The following ZNF648 variants were observed in gnomAD, a reference collection of about 807,000 sequenced individuals.
The protein encoded by ZNF648 is zinc finger protein 648.
Under a neutral mutation model 0.3 loss-of-function variants are expected in ZNF648, and 1 was observed. The ratio of observed to expected loss-of-function variants is 3.90; its 90% confidence interval spans 1.39 to 18.51. ZNF648 has a LOEUF of 18.51. ZNF648 is among the 30% of genes most tolerant of loss of function. The pLI, the probability that ZNF648 is intolerant of heterozygous loss-of-function variation, is 0.11. For synonymous variants in ZNF648, 376 were observed against 326.8 expected (o/e 1.15, Z -1.62); for missense variants, 874 against 769.7 (o/e 1.14, Z -1.60).
chr1:182,056,375 G>A lies in ZNF648; in HGVS notation c.1636C>T (p.His546Tyr), dbSNP rs765358166. The A allele has an allele frequency of 9.3e-6, 15 of 1,614,074 alleles. 1 individual carries two copies. The East Asian group carries it at 2.9e-4, about 31-fold the overall frequency. ...TGCTTGGCTCGGTGTCGTTGGAGGT[G>A]ATTGGACCTGGTGAAGGCCTGGCCG... ...DCGQAFTRSNHLQRHRAKHGT... is the reference protein window; with the variant it reads ...DCGQAFTRSNYLQRHRAKHGT... The change falls in exon 2 of 2, where the codon CAC becomes TAC. Residue 546 changes from histidine (H) to tyrosine (Y), a missense_variant. His to Tyr is a moderately conservative substitution (Grantham distance 83). Transcript: ENST00000339948.
chr1:182,057,026 G>A lies in ZNF648; in HGVS notation c.985C>T (p.His329Tyr). ...SSDHRKHIRTHTGEKPYPCPD... is the reference protein window; with the variant it reads ...SSDHRKHIRTYTGEKPYPCPD... ...CACGGGTAGGGTTTCTCGCCTGTGT[G>A]GGTGCGGATGTGCTTCCGGTGGTCG... Residue 329 changes from histidine (H) to tyrosine (Y), a missense_variant, in exon 2 of 2, where the codon CAC (histidine) becomes TAC (tyrosine). Physicochemically the swap from His to Tyr is moderately conservative, Grantham distance 83 (BLOSUM62 2). Coordinates refer to ENST00000339948, the MANE Select transcript of ZNF648 (RefSeq NM_001009992.1). 6.2e-7 allele frequency: 1 copy of A among 1,613,600 alleles called. No individual in the cohort carries two copies. Among genetic ancestry groups the A allele is most frequent in the Non-Finnish European group, 8.5e-7 (1 of 1,179,942 alleles).
rs1665879401 is a variant in ZNF648, at chr1:182,054,651, G to C, written c.*1653C>G. The stretch of plus-strand genomic sequence containing the variant: ...CTTCATAGTCACAAGCTCATCTTGT[G>C]ACTTTTCTACCAATTTAAAGCTCTT... On this transcript the variant is annotated 3_prime_UTR_variant, in exon 2 of 2. Coordinates refer to ENST00000339948, the MANE Select transcript of ZNF648 (RefSeq NM_001009992.1). 6.6e-6 allele frequency: 1 copy of C among 152,174 alleles called. No individual in the cohort carries two copies. Among genetic ancestry groups the C allele is most frequent in the Admixed American group, 6.5e-5 (1 of 15,276 alleles). 9.4% of individuals were successfully genotyped at this position (152,174 alleles called of 1,614,324 possible). A position where few individuals can be genotyped will look rare whatever the true frequency, so the allele number is the denominator to read the frequency against.
At chr1:182,064,452 A>T (rs1666070898), upstream of ZNF648, 1 of 152,224 alleles carries the variant, frequency 6.6e-6, no homozygotes, top group South Asian at 2.1e-4. Flanking sequence ...CCAGAAAAGC[A>T]GGTTTCAATG....
intron 1 of ZNF648, among the ~76,000 whole-genome samples, chr1:182,059,373 C>T (rs542689723): frequency 8.5e-5 from 13 of 152,194 alleles, no homozygotes; most frequent in Non-Finnish European, 1.9e-4. Flanking sequence ...GATTGGTTAA[C>T]AAGGATTGGA....
chr1:182,058,706 G>T (rs552485105), intron 1 of ZNF648, among the ~76,000 whole-genome samples: 1 of 152,312 alleles, frequency 6.6e-6, no homozygotes, highest in South Asian at 2.1e-4. Flanking sequence ...ACTCCTAACT[G>T]CCAGGAAGGC....
chr1:182,058,183 G>A (rs2101920614), intron 1 of ZNF648, 110 bp from the exon 2 acceptor site: 1 of 748,076 alleles, frequency 1.3e-6, no homozygotes, highest in Non-Finnish European at 2.1e-6. Flanking sequence ...TGGTCTCCAT[G>A]TCAGGCATAT....
chr1:182,069,378 CAT>C, the ZNF648 span: 1 of 152,262 alleles, frequency 6.6e-6, no homozygotes, highest in Non-Finnish European at 1.5e-5. Context: ...TCCATAAAAA[CAT>C]ACTCCCTTTT....
Position 182,057,379 on chromosome 1 carries a change from TG to T in ZNF648, c.631del (p.Gln211ArgfsTer56). On this transcript the variant is annotated frameshift_variant, in exon 2 of 2. Transcript: ENST00000339948. LOFTEE classifies it low-confidence loss of function (END_TRUNC). ...LPTQETHTPA[Q>X]ASATPASLAA... is the part of the protein sequence containing the mutation. ...CAGGCTGGCTGGGGTGGCCGACGCC[TG>T]GGCTGGTGTATGTGTCTCTTGCGTG... The T allele has an allele frequency of 6.2e-7, 1 of 1,613,120 alleles. No homozygotes were observed. The highest frequency in any genetic ancestry group is 1.1e-5 in the South Asian group (1 of 91,066).
In ZNF648 at chr1:182,056,479, C is replaced by G; in HGVS notation, c.1532G>C (p.Arg511Thr). 6.2e-7 allele frequency: 1 copy of G among 1,613,962 alleles called. No individual in the cohort carries two copies. The highest frequency in any genetic ancestry group is 8.5e-7 in the Non-Finnish European group (1 of 1,179,928). The change falls in exon 2 of 2, where the codon AGG becomes ACG. Residue 511 changes from arginine to threonine, a missense_variant. Transcript: ENST00000339948. The stretch of plus-strand genomic sequence containing the variant: ...CAACTCAGAGGCAATGCGGAAGGCC[C>G]TGCCGCACTCGGCACAGAGGAATCC... ...EKGFLCAECG[R>T]AFRIASELAQ...
rs781673275 is a variant in ZNF648 at position 182,057,645 on chromosome 1, A to T, written c.366T>A (p.Ala122=). ...ETQGSPGASR[A]LGSLPSGLAH... is the part of the protein sequence containing the mutation. The stretch of plus-strand genomic sequence containing the variant: ...CGAGACCACTGGGAAGGGAACCCAG[A>T]GCTCTGCTTGCTCCCGGGGAACCCT... The change falls in exon 2 of 2, where the codon GCT becomes GCA. Residue 122 remains alanine, a synonymous_variant. Transcript: ENST00000339948. The T allele has an allele frequency of 4.3e-6, 7 of 1,614,090 alleles. No individual in the cohort carries two copies.
intron 1 of ZNF648, among the ~76,000 whole-genome samples, chr1:182,059,179 T>C (rs1477365435): frequency 6.6e-6 from 1 of 152,196 alleles, no homozygotes; most frequent in Admixed American, 6.5e-5. Context: ...ATGTTTAATC[T>C]TCCCCCAAGT....
rs1489674003 is a variant in ZNF648, at chr1:182,055,572, T to A, written c.*732A>T. 1 of 152,228 alleles carries A rather than the reference T, an allele frequency of 6.6e-6. No homozygotes were observed. Among genetic ancestry groups the A allele is most frequent in the African/African-American group, 2.4e-5 (1 of 41,450 alleles). 9.4% of individuals were successfully genotyped at this position (152,228 alleles called of 1,614,324 possible). A position where few individuals can be genotyped will look rare whatever the true frequency, so the allele number is the denominator to read the frequency against. ...TGAGACTCGGGTTAGATCTACTTAC[T>A]AAATTCCACTATAAAGAGGAATGGG... On this transcript the variant is annotated 3_prime_UTR_variant, in exon 2 of 2. Coordinates refer to ENST00000339948, the MANE Select transcript of ZNF648 (RefSeq NM_001009992.1). This position sits in a 1 kb window ranked among gnomAD's most constrained non-coding sequence, Gnocchi z 4.1.
chr1:182,060,890 C>T (rs1378140896), intron 1 of ZNF648, among the ~76,000 whole-genome samples: 1 of 152,174 alleles, frequency 6.6e-6, no homozygotes, highest in Admixed American at 6.5e-5. Flanking sequence ...AGATCACTGA[C>T]TTTACCCGCT....
At position 182,056,080 on chromosome 1, in the gene ZNF648, C is replaced by T; in HGVS notation, c.*224G>A. 1.7e-6 allele frequency: 1 copy of T among 579,546 alleles called. No homozygotes were observed. The highest frequency in any genetic ancestry group is 3.0e-6 in the Non-Finnish European group (1 of 337,668). 35.9% of individuals were successfully genotyped at this position (579,546 alleles called of 1,614,324 possible). On this transcript the variant is annotated 3_prime_UTR_variant, in exon 2 of 2. Transcript: ENST00000339948. Reference sequence around the variant, plus strand: ...TCCCACTACTTTGTCTTTCCCTTTTCCAATTGCTTATGACCTCGGACACTC... The same window carrying T: ...TCCCACTACTTTGTCTTTCCCTTTTTCAATTGCTTATGACCTCGGACACTC...
Position 182,057,171 on chromosome 1 carries a change from C to T in ZNF648, c.840G>A (p.Ala280=), listed in dbSNP as rs1345959176. The change falls in exon 2 of 2, where the codon GCG becomes GCA. Residue 280 remains alanine, a synonymous_variant. Coordinates refer to ENST00000339948, the MANE Select transcript of ZNF648 (RefSeq NM_001009992.1). The stretch of plus-strand genomic sequence containing the variant: ...AGTAGGCCTTCCCGCATAGCTCGCA[C>T]GCGTAGCGCTTGGCGGCGCCGCCGC... ...ETRGGAAKRY[A]CELCGKAYSH... is the part of the protein sequence containing the mutation. The T allele has an allele frequency of 1.3e-6, 2 of 1,592,386 alleles. No individual in the cohort carries two copies. The highest frequency in any genetic ancestry group is 1.7e-5 in the Admixed American group (1 of 58,150).
At chr1:182,059,496 G>C (rs1665995622) in intron 1 of ZNF648, among the ~76,000 whole-genome samples, 1 of 152,144 alleles carries the variant, frequency 6.6e-6, no homozygotes, top group Non-Finnish European at 1.5e-5. Flanking sequence ...AGAAACTTCT[G>C]AGAATCCCAG....
At chr1:182,061,401 C>G (rs985223358) in intron 1 of ZNF648, among the ~76,000 whole-genome samples, 167 bp downstream of exon 1, 3 of 152,240 alleles carry the variant, frequency 2.0e-5, no homozygotes. Flanking sequence ...CTGCAGAAGC[C>G]TACCCTAAGG....
chr1:182,065,500 G>A (rs138639351), upstream of ZNF648, among the ~76,000 whole-genome samples: 148 of 152,276 alleles, frequency 9.7e-4, 3 homozygotes, highest in Middle Eastern at 3.4e-3. Flanking sequence ...CGAGTAATTA[G>A]CAGACACCTT....
chr1:182,057,035 T>A lies in ZNF648; in HGVS notation c.976A>T (p.Ile326Phe). ...YTWSSDHRKHIRTHTGEKPYP... is the reference protein window; with the variant it reads ...YTWSSDHRKHFRTHTGEKPYP... ...GGTTTCTCGCCTGTGTGGGTGCGGA[T>A]GTGCTTCCGGTGGTCGGAGGACCAG... The change falls in exon 2 of 2, where the codon ATC (isoleucine) becomes TTC (phenylalanine). Residue 326 changes from isoleucine (I) to phenylalanine (F), a missense_variant. Coordinates refer to ENST00000339948, the MANE Select transcript of ZNF648 (RefSeq NM_001009992.1). The A allele has an allele frequency of 6.2e-7, 1 of 1,609,804 alleles. No individual in the cohort carries two copies. The highest frequency in any genetic ancestry group is 1.7e-5 in the Admixed American group (1 of 59,586).
Sources: gnomAD v4.1 joint callset for allele counts (sites outside exome capture counted in the v4.1 genomes callset) on GRCh38, gnomAD v4.1.1 for gene constraint, Gnocchi (gnomAD v3.1) non-coding constraint, MANE v1.5 for transcripts, NCBI Gene and HGNC (gene_info 2026-07-23, HGNC 2026-07-21) for gene names.